Variants in NVL observed in about 807,000 individuals in gnomAD.
NVL encodes the protein nuclear valosin-containing protein-like.
NVL carries 84 observed loss-of-function variants against 110.2 expected under a neutral mutation model. The observed-to-expected ratio is 0.76, with a 90% confidence interval of 0.64 to 0.91. NVL has a LOEUF of 0.91. Ranked by LOEUF, NVL falls within the 40% of genes least tolerant of loss-of-function variation. The pLI is 0.00. For synonymous variants in NVL, 354 were observed against 361.1 expected (o/e 0.98, Z 0.22); for missense variants, 882 against 1,035.9 (o/e 0.85, Z 2.04).
chr1:224,273,293 A>G (rs1356680451), intron 17 of NVL, among the ~76,000 whole-genome samples: 1 of 150,642 alleles, frequency 6.6e-6, no homozygotes, highest in Non-Finnish European at 1.5e-5. Flanking sequence ...GGCGCCTGTA[A>G]TCTCAGCTAC....
chr1:224,255,790 T>C (rs753624322), intron 18 of NVL, among the ~76,000 whole-genome samples: 1 of 152,214 alleles, frequency 6.6e-6, no homozygotes, highest in East Asian at 1.9e-4. Flanking sequence ...TAGGAAATCT[T>C]TGCTTAATTC....
intron 18 of NVL, among the ~76,000 whole-genome samples, chr1:224,259,236 G>A (rs974746498): frequency 2.0e-5 from 3 of 151,648 alleles, no homozygotes; most frequent in South Asian, 2.1e-4. Flanking sequence ...CTCTAGGTGC[G>A]CACCACCATG....
At chr1:224,320,037 T>G (rs530874277) in intron 2 of NVL, among the ~76,000 whole-genome samples, 263 of 152,018 alleles carry the variant, frequency 1.7e-3, no homozygotes, top group Non-Finnish European at 3.0e-3. Flanking sequence ...CAAAAAAAGG[T>G]TGAGGAACTG....
At chr1:224,259,822 C>CTTTT (rs60297397) in intron 18 of NVL, among the ~76,000 whole-genome samples, 10 of 135,324 alleles carry the variant, frequency 7.4e-5, no homozygotes, top group African/African-American at 2.5e-4. Context: ...ACCCAGCTAA[C>CTTTT]TTTTTTTTTT....
chr1:224,263,365 T>A (rs753964498), intron 18 of NVL, among the ~76,000 whole-genome samples: 2 of 152,230 alleles, frequency 1.3e-5, no homozygotes, highest in Non-Finnish European at 2.9e-5. Flanking sequence ...TGGCACTTAG[T>A]AGGTGCTCCA....
chr1:224,286,460 C>T (rs551231992), intron 14 of NVL, among the ~76,000 whole-genome samples: 20 of 152,266 alleles, frequency 1.3e-4, no homozygotes, highest in African/African-American at 4.1e-4. Flanking sequence ...CCTGCCTCAG[C>T]CTCCCAAAGT....
intron 22 of NVL, among the ~76,000 whole-genome samples, chr1:224,228,549 C>T (rs1433005792): frequency 4.0e-5 from 6 of 151,484 alleles, no homozygotes; most frequent in South Asian, 2.1e-4. Flanking sequence ...ATGATCCACC[C>T]GCCTCGGCCT....
chr1:224,257,506 TTTTGTTTGTCTG>T (rs1180832158), intron 18 of NVL, among the ~76,000 whole-genome samples: 337 of 39,870 alleles, frequency 8.5e-3, no homozygotes, highest in Non-Finnish European at 0.023. Flanking sequence ...ACAAGTGGTT[TTTTGTTTGTCTG>T]TTTGTTTGTT....
chr1:224,288,907 A>G (rs1443385650), intron 13 of NVL, among the ~76,000 whole-genome samples: 1 of 152,200 alleles, frequency 6.6e-6, no homozygotes, highest in Admixed American at 6.5e-5. Flanking sequence ...ACTGTCCCCT[A>G]TTATTCACAT....
intron 10 of NVL, chr1:224,298,664 GTCC>G: frequency 6.3e-6 from 1 of 158,772 alleles, no homozygotes; most frequent in East Asian, 1.7e-4. Flanking sequence ...GAAGTGTAGT[GTCC>G]TCTTCCGCAA....
chr1:224,303,611 T>G, intron 9 of NVL, 112 bp downstream of exon 9: 1 of 1,070,458 alleles, frequency 9.3e-7, no homozygotes, highest in Non-Finnish European at 1.3e-6. Flanking sequence ...CCAATGACTA[T>G]GTTCTCTTCC....
intron 18 of NVL, 58 bp from the exon 19 acceptor site, chr1:224,250,376 T>C: frequency 7.1e-7 from 1 of 1,413,514 alleles, no homozygotes; most frequent in Non-Finnish European, 9.3e-7. Context: ...TATTTTTTTA[T>C]TTTTTTGAGA....
intron 18 of NVL, among the ~76,000 whole-genome samples, chr1:224,250,951 T>A (rs1018208167): frequency 2.0e-5 from 3 of 151,450 alleles, no homozygotes; most frequent in African/African-American, 7.3e-5. Context: ...GCCACTGTGC[T>A]CAGACCAAAT....
At chr1:224,257,350 A>G (rs1663398502) in intron 18 of NVL, among the ~76,000 whole-genome samples, 2 of 152,202 alleles carry the variant, frequency 1.3e-5, no homozygotes, top group Non-Finnish European at 2.9e-5. Flanking sequence ...TAAAAAAGAA[A>G]AAAAAAGTTA....
At chr1:224,290,114 C>T (rs986394854) in intron 12 of NVL, among the ~76,000 whole-genome samples, 13 of 152,054 alleles carry the variant, frequency 8.5e-5, no homozygotes, top group Non-Finnish European at 8.8e-5. Flanking sequence ...ACACACAAAC[C>T]ATTAATTATC....
chr1:224,274,298 A>G (rs1665527474), intron 17 of NVL, among the ~76,000 whole-genome samples: 1 of 151,934 alleles, frequency 6.6e-6, no homozygotes, highest in Non-Finnish European at 1.5e-5. Context: ...TTCAACAACA[A>G]CAACAAAAAG....
intron 19 of NVL, among the ~76,000 whole-genome samples, chr1:224,248,511 C>T (rs1019709404): frequency 1.3e-5 from 2 of 152,140 alleles, no homozygotes; most frequent in African/African-American, 4.8e-5. Flanking sequence ...AGGAACATTG[C>T]TAAAGGCAGT....
At chr1:224,237,335 C>T (rs952774826) in intron 19 of NVL, among the ~76,000 whole-genome samples, 3 of 152,180 alleles carry the variant, frequency 2.0e-5, no homozygotes, top group Non-Finnish European at 4.4e-5. Flanking sequence ...GCACTCTAAG[C>T]TCAGTATATT....
chr1:224,286,710 T>C (rs145592894), intron 14 of NVL, among the ~76,000 whole-genome samples: 38 of 152,344 alleles, frequency 2.5e-4, no homozygotes, highest in African/African-American at 7.5e-4. Context: ...TTCTAGGTTA[T>C]AAAATGTTTA....
Sources: allele counts gnomAD v4.1 joint callset (sites outside exome capture counted in the v4.1 genomes callset), GRCh38; gene constraint gnomAD v4.1.1; transcripts MANE v1.5; gene names NCBI Gene and HGNC (gene_info 2026-07-23, HGNC 2026-07-21).